The following NFIA variants were observed in gnomAD, a reference collection of about 807,000 sequenced individuals.
NFIA encodes the protein nuclear factor I A, also known as nuclear factor 1 A-type.
In NFIA, 8 loss-of-function variants were observed where a neutral mutation model predicts 62.8. The ratio of observed to expected loss-of-function variants is 0.13; its 90% CI spans 0.07 to 0.23. The LOEUF is 0.23. Ranked by LOEUF, NFIA falls within the 10% of genes least tolerant of loss-of-function variation. The pLI is 1.00. For synonymous variants in NFIA, 235 were observed against 238.1 expected (o/e 0.99, Z 0.12); for missense variants, 410 against 642.1 (o/e 0.64, Z 3.91).
chr1:61,180,334 C>T (rs1170881283), intron 2 of NFIA, among the ~76,000 whole-genome samples: 1 of 152,128 alleles, frequency 6.6e-6, no homozygotes, highest in East Asian at 1.9e-4. Context: ...TCTTTATTGC[C>T]CAGCAAAAGC....
chr1:61,164,237 G>C (rs558380002), intron 2 of NFIA, among the ~76,000 whole-genome samples: 2 of 151,798 alleles, frequency 1.3e-5, no homozygotes, highest in Non-Finnish European at 2.9e-5. Flanking sequence ...AAAAGTGCTT[G>C]TCATTTATGG....
intron 2 of NFIA, among the ~76,000 whole-genome samples, chr1:61,098,999 A>G (rs1646463995): frequency 2.6e-5 from 4 of 152,190 alleles, no homozygotes; most frequent in Admixed American, 2.6e-4. Context: ...ATGGTTGAAG[A>G]ACTAATTGTT....
At chr1:61,158,842 G>A (rs191720267) in intron 2 of NFIA, among the ~76,000 whole-genome samples, 245 of 152,290 alleles carry the variant, frequency 1.6e-3, no homozygotes, top group African/African-American at 5.6e-3. Flanking sequence ...CCAGTTGTGA[G>A]GAGCCATGCA....
At chr1:61,438,454 C>A (rs554661239) in intron 10 of NFIA, among the ~76,000 whole-genome samples, 2 of 152,284 alleles carry the variant, frequency 1.3e-5, no homozygotes, top group South Asian at 4.2e-4. Context: ...ATATGATGAG[C>A]ACCCCGGAGG....
intron 3 of NFIA, among the ~76,000 whole-genome samples, chr1:61,285,907 C>T (rs1256949205): frequency 6.6e-6 from 1 of 152,166 alleles, no homozygotes; most frequent in Non-Finnish European, 1.5e-5. Flanking sequence ...TCTTAGATCT[C>T]TGTAGGTATT....
At chr1:61,189,575 G>T (rs2100573245) in intron 2 of NFIA, among the ~76,000 whole-genome samples, 1 of 152,204 alleles carries the variant, frequency 6.6e-6, no homozygotes, top group South Asian at 2.1e-4. Context: ...TGAGGCAGGG[G>T]AATTGCTTGA....
intron 2 of NFIA, among the ~76,000 whole-genome samples, chr1:61,146,950 C>T (rs569865259): frequency 1.3e-5 from 2 of 152,220 alleles, no homozygotes; most frequent in East Asian, 3.9e-4. Flanking sequence ...TATCACATGG[C>T]TTCCCTAAGT....
chr1:61,414,435 A>G (rs2474374), intron 9 of NFIA, among the ~76,000 whole-genome samples: 35,943 of 152,142 alleles, frequency 0.24, 5,074 homozygotes, highest in East Asian at 0.51. Flanking sequence ...TGCTAGAGTC[A>G]TAATTTCCAT....
intron 2 of NFIA, among the ~76,000 whole-genome samples, chr1:61,135,114 A>G (rs528346273): frequency 1.4e-4 from 21 of 152,240 alleles, no homozygotes; most frequent in Non-Finnish European, 2.9e-4. Context: ...ATATTAACAC[A>G]TTGCTTTAAA....
rs868371693 is a variant in NFIA at position 61,082,780 on chromosome 1, C to T, written c.-12C>T. ...ACCCAGACGCACACGCATACCCCAG[C>T]GCCCGGCAGTTATGTATTCTCCGCT... On this transcript the variant is annotated 5_prime_UTR_variant, in exon 1 of 11. Transcript: ENST00000403491. The T allele has an allele frequency of 7.7e-6, 12 of 1,552,894 alleles. No homozygotes were observed. Among genetic ancestry groups the T allele is most frequent in the Non-Finnish European group, 1.0e-5 (12 of 1,147,684 alleles).
chr1:61,260,110 C>T (rs1656664502), intron 2 of NFIA, among the ~76,000 whole-genome samples: 1 of 152,172 alleles, frequency 6.6e-6, no homozygotes, highest in Admixed American at 6.5e-5. Context: ...AGGCACAGGG[C>T]CTCTTTGAGG....
intron 2 of NFIA, among the ~76,000 whole-genome samples, chr1:61,238,301 T>A (rs191471669): frequency 6.6e-6 from 1 of 152,380 alleles, no homozygotes; most frequent in Admixed American, 6.5e-5. Flanking sequence ...TAAATCTATC[T>A]GTAACACCTT....
chr1:61,412,967 G>A (rs1398006338), intron 9 of NFIA, among the ~76,000 whole-genome samples: 1 of 152,038 alleles, frequency 6.6e-6, no homozygotes, highest in Non-Finnish European at 1.5e-5. Flanking sequence ...AAAAAATGAA[G>A]ATTGGCATCA....
At chr1:61,222,252 A>G (rs1654060768) in intron 2 of NFIA, among the ~76,000 whole-genome samples, 1 of 152,154 alleles carries the variant, frequency 6.6e-6, no homozygotes, top group Non-Finnish European at 1.5e-5. Flanking sequence ...TCTCATAGCA[A>G]TGATGTAAAA....
chr1:61,321,011 CTT>C (rs1363804532), intron 3 of NFIA, among the ~76,000 whole-genome samples: 5 of 152,110 alleles, frequency 3.3e-5, no homozygotes, highest in African/African-American at 4.8e-5. Flanking sequence ...TTAGAGGAAA[CTT>C]TGATGCAGAA....
chr1:61,406,847 T>C lies in NFIA; in HGVS notation c.1420+120T>C, dbSNP rs930729486. 2.3e-5 allele frequency: 28 copies of C among 1,203,150 alleles called. No individual in the cohort carries two copies. In the African/African-American group the frequency reaches 3.6e-4, roughly 15 times the overall value. 74.5% of individuals were successfully genotyped at this position (1,203,150 alleles called of 1,614,324 possible). On this transcript the variant is annotated intron_variant, in intron 9 of 10. Transcript: ENST00000403491. ...AAGAGGCACAGATCCCCAGTGATGT[T>C]GTAGCATGAGTTTGCCAGACCGAGA...
At chr1:61,245,570 T>A (rs1655588065) in intron 2 of NFIA, among the ~76,000 whole-genome samples, 1 of 152,130 alleles carries the variant, frequency 6.6e-6, no homozygotes, top group South Asian at 2.1e-4. Context: ...AGTGAGATAA[T>A]ATTAGGATAA....
At chr1:61,188,100 T>C (rs1404060655) in intron 2 of NFIA, among the ~76,000 whole-genome samples, 2 of 151,888 alleles carry the variant, frequency 1.3e-5, no homozygotes, top group East Asian at 3.9e-4. Context: ...CAGGCTGGAG[T>C]GTAGTGGTGC....
intron 9 of NFIA, among the ~76,000 whole-genome samples, chr1:61,407,594 A>G (rs149611505): frequency 1.3e-5 from 2 of 152,270 alleles, no homozygotes; most frequent in Non-Finnish European, 2.9e-5. Flanking sequence ...CCTAGCCTTG[A>G]TAGATGGTGT....
Sources: allele counts gnomAD v4.1 joint callset (sites outside exome capture counted in the v4.1 genomes callset), GRCh38; gene constraint gnomAD v4.1.1; transcripts MANE v1.5; gene names NCBI Gene and HGNC (gene_info 2026-07-23, HGNC 2026-07-21).